Variants in ANKRD31 observed in about 807,000 individuals in gnomAD.
ANKRD31 encodes the protein ankyrin repeat domain 31, also known as ankyrin repeat domain-containing protein 31.
A neutral mutation model predicts 186.0 loss-of-function variants in ANKRD31; 147 were observed. That is an observed-to-expected ratio of 0.79 (90% CI 0.69 to 0.91). ANKRD31 has a LOEUF of 0.91. Ranked by LOEUF, ANKRD31 falls within the 40% of genes least tolerant of loss-of-function variation. ANKRD31 has a pLI of 0.00. For synonymous variants in ANKRD31, 673 were observed against 736.4 expected (o/e 0.91, Z 1.39); for missense variants, 1,986 against 2,148.8 (o/e 0.92, Z 1.50).
At chr5:75,229,252 A>G (rs1352471137) in intron 2 of ANKRD31, among the ~76,000 whole-genome samples, 2 of 152,232 alleles carry the variant, frequency 1.3e-5, no homozygotes, top group Non-Finnish European at 2.9e-5. Flanking sequence ...TTTACAATGC[A>G]TATTTACTAA....
At position 75,230,490 on chromosome 5, in the gene ANKRD31, C is replaced by T. The variant is rs1385898014; in HGVS notation, c.178+72G>A. 4.2e-6 allele frequency: 5 copies of T among 1,182,382 alleles called. No individual in the cohort carries two copies. The Admixed American group carries it at 7.9e-5, about 19-fold the overall frequency. The allele number at this position is 1,182,382 out of a possible 1,614,324, so 73.2% of individuals were successfully genotyped here. ...TGCTTAAAGTCTCAGTTTCCAAGAA[C>T]CTATCAATGACATTAAATGGGGACT... On this transcript the variant is annotated intron_variant, in intron 2 of 25. Transcript: ENST00000506364.
At chr5:75,176,346 A>T (rs1753797121) in intron 10 of ANKRD31, among the ~76,000 whole-genome samples, 1 of 152,230 alleles carries the variant, frequency 6.6e-6, no homozygotes, top group South Asian at 2.1e-4. Flanking sequence ...TAACCTCTGC[A>T]GACTTAAATG....
At chr5:75,116,535 T>C in intron 19 of ANKRD31, 31 bp downstream of exon 19, 1 of 1,303,182 alleles carries the variant, frequency 7.7e-7, no homozygotes, top group Non-Finnish European at 9.9e-7. Context: ...TTTTCTAAGA[T>C]GAAGAACAAA....
intron 7 of ANKRD31, among the ~76,000 whole-genome samples, chr5:75,195,197 T>G (rs751988848): frequency 6.6e-6 from 1 of 152,086 alleles, no homozygotes; most frequent in Non-Finnish European, 1.5e-5. Flanking sequence ...ATATATTCTA[T>G]GTCAAAATGT....
intron 20 of ANKRD31, 116 bp from the exon 21 acceptor site, chr5:75,107,733 C>T (rs1295244953): frequency 1.7e-6 from 1 of 602,060 alleles, no homozygotes; most frequent in Non-Finnish European, 2.9e-6. Context: ...ATGATCTTCC[C>T]CAATATTAAT....
At chr5:75,082,221 T>C (rs565544742) in intron 24 of ANKRD31, among the ~76,000 whole-genome samples, 1 of 152,122 alleles carries the variant, frequency 6.6e-6, no homozygotes, top group Non-Finnish European at 1.5e-5. Context: ...CAGAGGAGGA[T>C]CCTGAGAAAT....
chr5:75,147,082 G>A lies in ANKRD31; in HGVS notation c.2329C>T (p.Pro777Ser), dbSNP rs1049263238. Residue 777 changes from proline to serine, a missense_variant, in exon 14 of 26, where the codon CCA becomes TCA. Physicochemically the swap from Pro to Ser is moderately conservative, Grantham distance 74 (BLOSUM62 -1). Coordinates refer to ENST00000506364, the MANE Select transcript of ANKRD31 (RefSeq NM_001372053.1). ...QHIPETHNDL[P>S]EELCEPSSLT... is the part of the protein sequence containing the mutation. ...CTGGAAGGTTCACACAATTCTTCTGGAAGGTCATTATGAGTTTCTGGAATA... is the reference window on the plus strand; with the variant it reads ...CTGGAAGGTTCACACAATTCTTCTGAAAGGTCATTATGAGTTTCTGGAATA... The A allele has an allele frequency of 6.5e-7, 1 of 1,536,414 alleles. No homozygotes were observed. Among genetic ancestry groups the A allele is most frequent in the Non-Finnish European group, 8.7e-7 (1 of 1,146,374 alleles).
At chr5:75,149,256 A>G (rs560010414) in intron 12 of ANKRD31, among the ~76,000 whole-genome samples, 2 of 152,088 alleles carry the variant, frequency 1.3e-5, no homozygotes, top group South Asian at 2.1e-4. Context: ...ATAAAAACCT[A>G]GGAACAATGG....
At chr5:75,154,133 ATTC>A in intron 12 of ANKRD31, 65 bp downstream of exon 12, 1 of 1,284,102 alleles carries the variant, frequency 7.8e-7, no homozygotes, top group South Asian at 2.4e-5. Flanking sequence ...AATTTCTTTA[ATTC>A]TAAATTAAAT....
chr5:75,235,272 G>T (rs1580612474), intron 1 of ANKRD31, among the ~76,000 whole-genome samples: 1 of 123,536 alleles, frequency 8.1e-6, no homozygotes, highest in African/African-American at 3.2e-5. Context: ...TTGAGATAGA[G>T]TCTCACTCTG....
intron 10 of ANKRD31, among the ~76,000 whole-genome samples, chr5:75,183,163 G>A (rs1188458746): frequency 6.6e-6 from 1 of 152,112 alleles, no homozygotes; most frequent in African/African-American, 2.4e-5. Context: ...AAAACCATAT[G>A]ATCATTTCAA....
At chr5:75,118,092 G>GAT (rs1395287031) in intron 18 of ANKRD31, 43 bp downstream of exon 18, 1 of 1,297,186 alleles carries the variant, frequency 7.7e-7, no homozygotes, top group Admixed American at 3.7e-5. Context: ...CCTAAGCAGA[G>GAT]ATATATCTCT....
At chr5:75,096,414 C>T (rs1017914830) in intron 22 of ANKRD31, among the ~76,000 whole-genome samples, 1 of 151,896 alleles carries the variant, frequency 6.6e-6, no homozygotes, top group Non-Finnish European at 1.5e-5. Context: ...TGGATTAGAC[C>T]TTTGTCAGGT....
intron 10 of ANKRD31, among the ~76,000 whole-genome samples, chr5:75,172,467 T>A (rs753841535): frequency 6.7e-6 from 1 of 149,396 alleles, no homozygotes; most frequent in Non-Finnish European, 1.5e-5. Context: ...TTTGAAAAGA[T>A]CAACAAAATT....
At chr5:75,227,930 A>G (rs1358281554) in intron 2 of ANKRD31, among the ~76,000 whole-genome samples, 1 of 152,196 alleles carries the variant, frequency 6.6e-6, no homozygotes, top group Non-Finnish European at 1.5e-5. Context: ...CACACTCCTT[A>G]TAAGACTCTA....
At chr5:75,140,254 G>A (rs577492795) in intron 15 of ANKRD31, among the ~76,000 whole-genome samples, 1 of 84,544 alleles carries the variant, frequency 1.2e-5, no homozygotes, top group East Asian at 2.8e-4. Context: ...AAGGAAGGAA[G>A]GAAGGAAGGA....
chr5:75,129,544 A>G (rs1478429593), intron 17 of ANKRD31, among the ~76,000 whole-genome samples: 1 of 152,228 alleles, frequency 6.6e-6, no homozygotes, highest in Admixed American at 6.5e-5. Context: ...AAAAGTTACC[A>G]GGTTCTTAAA....
intron 25 of ANKRD31, among the ~76,000 whole-genome samples, chr5:75,070,223 G>T (rs1744110157): frequency 6.6e-6 from 1 of 151,992 alleles, no homozygotes; most frequent in Non-Finnish European, 1.5e-5. Context: ...AAAAGTTAAG[G>T]AATATTTTTT....
At chr5:75,093,500 C>A (rs7442914) in intron 22 of ANKRD31, among the ~76,000 whole-genome samples, 59,464 of 149,750 alleles carry the variant, frequency 0.4, 12,197 homozygotes, top group South Asian at 0.53. Flanking sequence ...ACAACAACAA[C>A]AAAAAAAACT....
Sources: allele counts gnomAD v4.1 joint callset (sites outside exome capture counted in the v4.1 genomes callset), GRCh38; gene constraint gnomAD v4.1.1; transcripts MANE v1.5; gene names NCBI Gene and HGNC (gene_info 2026-07-23, HGNC 2026-07-21).